The following FMR1 variants were observed in gnomAD, a reference collection of about 807,000 sequenced individuals.
FMR1 encodes the protein FMRP translational regulator 1.
In FMR1, 13 loss-of-function variants were observed where a neutral mutation model predicts 50.6. The ratio of observed to expected loss-of-function variants is 0.26; its 90% CI spans 0.17 to 0.41. The LOEUF is 0.41. Among genes scored for constraint, FMR1 ranks in the 10% least tolerant of loss-of-function variants. The pLI is 1.00. For missense variants in FMR1, 316 were observed against 491.3 expected (o/e 0.64, Z 3.37); for synonymous variants, 138 against 164.1 (o/e 0.84, Z 1.22).
At chrX:147,922,100 T>A in intron 2 of FMR1, 115 bp downstream of exon 2, 1 of 489,991 alleles carries the variant, frequency 2.0e-6, no homozygotes, top group Non-Finnish European at 3.6e-6. Flanking sequence ...GGAATGGATC[T>A]TCATGTTACT....
chrX:147,949,590 T>C lies in FMR1; in HGVS notation c.*746T>C, dbSNP rs183130936. On this transcript the variant is annotated 3_prime_UTR_variant, in exon 17 of 17. Transcript: ENST00000370475. ...ATAAAGAATAGGACTTGTTTTTGTTTTTGTTTTGTTGCACTGAAGTTTGAT... is the reference window on the plus strand; with the variant it reads ...ATAAAGAATAGGACTTGTTTTTGTTCTTGTTTTGTTGCACTGAAGTTTGAT... 361 of 327,654 alleles carry C rather than the reference T, an allele frequency of 1.1e-3. No individual in the cohort carries two copies. The highest frequency in any genetic ancestry group is 8.9e-3 in the African/African-American group (336 of 37,566). 27.0% of individuals were successfully genotyped at this position (327,654 alleles called of 1,213,427 possible).
At chrX:147,939,902 CAAAA>C (rs782544831) in intron 12 of FMR1, among the ~76,000 whole-genome samples, 3 of 45,496 alleles carry the variant, frequency 6.6e-5, no homozygotes, top group Non-Finnish European at 4.1e-5. Flanking sequence ...GACCCTGTCT[CAAAA>C]AAAAAAAAAA....
chrX:147,950,633 G>T lies in FMR1; in HGVS notation c.*1789G>T. The stretch of plus-strand genomic sequence containing the variant: ...TTTCAATAAAGTTTGATCTTCCTCT[G>T]CTAAATTGATGTTGATGCAATCCTT... On this transcript the variant is annotated 3_prime_UTR_variant, in exon 17 of 17. Transcript: ENST00000370475. 1 of 328,414 alleles carries T rather than the reference G, an allele frequency of 3.0e-6. No individual in the cohort carries two copies. Among genetic ancestry groups the T allele is most frequent in the Non-Finnish European group, 5.9e-6 (1 of 169,260 alleles). 27.1% of individuals were successfully genotyped at this position (328,414 alleles called of 1,213,427 possible). A position where few individuals can be genotyped will look rare whatever the true frequency, so the allele number is the denominator to read the frequency against.
chrX:147,937,363 C>T lies in FMR1; in HGVS notation c.991-103C>T, dbSNP rs1455287075. On this transcript the variant is annotated intron_variant, in intron 10 of 16. Transcript: ENST00000370475. The stretch of plus-strand genomic sequence containing the variant: ...TATAAACCAAAACTGTTTATAATAA[C>T]TTACATTTTTTAAAAATATGATGAT... 5 of 549,400 alleles carry T rather than the reference C, an allele frequency of 9.1e-6. No homozygotes were observed. The Admixed American group carries it at 1.4e-4, about 15-fold the overall frequency. The allele number at this position is 549,400 out of a possible 1,213,427, so 45.3% of individuals were successfully genotyped here. A position where few individuals can be genotyped will look rare whatever the true frequency, so the allele number is the denominator to read the frequency against.
At chrX:147,947,509 G>C (rs1294105350) in intron 16 of FMR1, 2 of 109,244 alleles carry the variant, frequency 1.8e-5, no homozygotes, top group African/African-American at 6.7e-5. Flanking sequence ...AGGAGATCGA[G>C]ACCATCCTGG....
At position 147,913,431 on chromosome X, in the gene FMR1, T is replaced by C. The variant is rs182074719; in HGVS notation, c.51+1201T>C. The C allele has an allele frequency of 2.7e-5, 3 of 112,151 alleles. No individual in the cohort carries two copies. In the Admixed American group the frequency reaches 2.8e-4, roughly 11 times the overall value. The allele number at this position is 112,151 out of a possible 1,213,427, so 9.2% of individuals were successfully genotyped here. A position where few individuals can be genotyped will look rare whatever the true frequency, so the allele number is the denominator to read the frequency against. ...CCACCTTACTACAGTATTTTGGCAATAGAAGGTGCGTGTGGAAGGAAGGCT... is the reference window on the plus strand; with the variant it reads ...CCACCTTACTACAGTATTTTGGCAACAGAAGGTGCGTGTGGAAGGAAGGCT... On this transcript the variant is annotated intron_variant, in intron 1 of 16. Transcript: ENST00000370475.
rs1378454166 is a variant in FMR1, at chrX:147,951,105, C to T, written c.*2261C>T. The T allele has an allele frequency of 1.4e-5, 3 of 217,331 alleles. No individual in the cohort carries two copies. Among genetic ancestry groups the T allele is most frequent in the Non-Finnish European group, 2.6e-5 (3 of 115,748 alleles). The allele number at this position is 217,331 out of a possible 1,213,427, so 17.9% of individuals were successfully genotyped here. ...GATGTAAATTTTTATTAAAAAGTTG[C>T]ACTTATGAAAAAGCAAAAAATTAGT... On this transcript the variant is annotated 3_prime_UTR_variant, in exon 17 of 17. Transcript: ENST00000370475.
In FMR1 at chrX:147,949,962, T is replaced by C. The variant is rs1557183189; in HGVS notation, c.*1118T>C. On this transcript the variant is annotated 3_prime_UTR_variant, in exon 17 of 17. Coordinates refer to ENST00000370475, the MANE Select transcript of FMR1 (RefSeq NM_002024.6). Reference sequence around the variant, plus strand: ...GTTAAATGTTTTGTAAACTTTGAAATATATGGTCTAATGTTTAAGCAGAAT... The same window carrying C: ...GTTAAATGTTTTGTAAACTTTGAAACATATGGTCTAATGTTTAAGCAGAAT... 1 of 324,788 alleles carries C rather than the reference T, an allele frequency of 3.1e-6. No individual in the cohort carries two copies. Among genetic ancestry groups the C allele is most frequent in the South Asian group, 2.8e-5 (1 of 36,317 alleles). 26.8% of individuals were successfully genotyped at this position (324,788 alleles called of 1,213,427 possible). A position where few individuals can be genotyped will look rare whatever the true frequency, so the allele number is the denominator to read the frequency against.
intron 16 of FMR1, chrX:147,948,374 A>G: frequency 9.7e-6 from 8 of 820,959 alleles, no homozygotes; most frequent in Non-Finnish European, 1.2e-5. Flanking sequence ...ATAGTAATTC[A>G]TTTTACCTGT....
chrX:147,924,479 G>GTA (rs1290273718), intron 2 of FMR1, among the ~76,000 whole-genome samples: 9 of 91,928 alleles, frequency 9.8e-5, no homozygotes, highest in African/African-American at 3.8e-4. Context: ...GTGTGTGTGT[G>GTA]TGTGTGTGTG....
chrX:147,914,685 C>G (rs782642646), intron 1 of FMR1, among the ~76,000 whole-genome samples: 20 of 111,964 alleles, frequency 1.8e-4, no homozygotes, highest in African/African-American at 6.5e-4. Context: ...TACTTTTATG[C>G]TTAGGTATTT....
intron 2 of FMR1, among the ~76,000 whole-genome samples, chrX:147,924,196 CAG>C (rs1360935797): frequency 9.0e-6 from 1 of 110,849 alleles, no homozygotes; most frequent in African/African-American, 3.3e-5. Context: ...TATAATAACT[CAG>C]AGGAGGGTTC....
rs782096569 is a variant in FMR1 at position 147,948,025 on chromosome X, AATT to A, written c.1738-652_1738-650del. Reference sequence around the variant, plus strand: ...CTCCTAGGATTCCAGTCCTTCCACAAATTATTATATGCAGTTTTCTTTATACTG... The same window carrying A: ...CTCCTAGGATTCCAGTCCTTCCACAAATTATATGCAGTTTTCTTTATACTG... On this transcript the variant is annotated intron_variant, in intron 16 of 16. Transcript: ENST00000370475. 1.2e-4 allele frequency among the ~76,000 whole-genome samples: 14 copies of A among 112,016 alleles called. No individual in the cohort carries two copies. In the South Asian group the frequency reaches 4.1e-3, roughly 32 times the overall value.
chrX:147,936,011 C>G (rs1021372179), intron 9 of FMR1, among the ~76,000 whole-genome samples: 5 of 112,089 alleles, frequency 4.5e-5, no homozygotes, highest in Non-Finnish European at 9.4e-5. Flanking sequence ...GCCTTCCATA[C>G]AGAATTCTGA....
intron 3 of FMR1, 71 bp from the exon 4 acceptor site, chrX:147,928,251 G>A (rs1256438724): frequency 2.3e-5 from 23 of 991,331 alleles, no homozygotes; most frequent in South Asian, 1.8e-4. Context: ...AAATTTCCTC[G>A]ATATCTGAAA....
At chrX:147,912,289 G>C in intron 1 of FMR1, 59 bp downstream of exon 1, 2 of 1,080,527 alleles carry the variant, frequency 1.9e-6, no homozygotes, top group Non-Finnish European at 2.5e-6. Context: ...TTTCTTCTTG[G>C]TGTCGGCGGG....
chrX:147,925,739 G>T (rs1388821175), intron 3 of FMR1, 106 bp downstream of exon 3: 2 of 555,829 alleles, frequency 3.6e-6, no homozygotes, highest in African/African-American at 4.6e-5. Context: ...ATTACTTTGA[G>T]AATTACAGCT....
In FMR1 at chrX:147,912,133, C is replaced by G. The variant is rs1333529157; in HGVS notation, c.-47C>G. 2.1e-6 allele frequency: 2 copies of G among 959,318 alleles called. No individual in the cohort carries two copies. Among genetic ancestry groups the G allele is most frequent in the Non-Finnish European group, 2.6e-6 (2 of 755,793 alleles). The allele number at this position is 959,318 out of a possible 1,213,427, so 79.1% of individuals were successfully genotyped here. A position where few individuals can be genotyped will look rare whatever the true frequency, so the allele number is the denominator to read the frequency against. Reference sequence around the variant, plus strand: ...CGGCTGGGCCTCGAGCGCCCGCAGCCCACCTCTCGGGGGCGGGCTCCCGGC... The same window carrying G: ...CGGCTGGGCCTCGAGCGCCCGCAGCGCACCTCTCGGGGGCGGGCTCCCGGC... On this transcript the variant is annotated 5_prime_UTR_variant, in exon 1 of 17. Transcript: ENST00000370475.
At chrX:147,935,802 G>A (rs1235248425) in intron 9 of FMR1, among the ~76,000 whole-genome samples, 9 of 112,072 alleles carry the variant, frequency 8.0e-5, no homozygotes, top group African/African-American at 2.9e-4. Context: ...TTGTGGTTTT[G>A]AGTTATCTTA....
Sources: allele counts gnomAD v4.1 joint callset (sites outside exome capture counted in the v4.1 genomes callset), GRCh38; gene constraint gnomAD v4.1.1; transcripts MANE v1.5; gene names NCBI Gene and HGNC (gene_info 2026-07-23, HGNC 2026-07-21).